The following CAMK4 variants were observed in gnomAD, a reference collection of about 807,000 sequenced individuals.
The protein encoded by CAMK4 is calcium/calmodulin dependent protein kinase IV.
In CAMK4, 22 loss-of-function variants were observed where a neutral mutation model predicts 44.9. The observed-to-expected ratio is 0.49, with a 90% CI of 0.35 to 0.70. The LOEUF is 0.70. Among genes scored for constraint, CAMK4 ranks in the 30% least tolerant of loss-of-function variants. The pLI is 0.01. For synonymous variants in CAMK4, 218 were observed against 215.4 expected, an observed-to-expected ratio of 1.01 and a Z score of -0.11; for missense variants, 498 against 586.8, an observed-to-expected ratio of 0.85 and a Z score of 1.56.
intron 2 of CAMK4, among the ~76,000 whole-genome samples, chr5:111,370,425 C>T (rs1750959606): frequency 6.6e-6 from 1 of 152,042 alleles, no homozygotes; most frequent in Non-Finnish European, 1.5e-5. Context: ...TTAAAGGATT[C>T]TACTATCACA....
upstream of CAMK4, chr5:111,224,299 C>G: frequency 1.2e-6 from 1 of 838,904 alleles, no homozygotes; most frequent in Non-Finnish European, 1.6e-6. This position sits in a 1 kb window ranked among gnomAD's most constrained non-coding sequence, Gnocchi z 5.7. Context: ...CGCCCTCTCG[C>G]AGAGGCTCGC....
At chr5:111,348,232 C>G (rs560217259) in intron 2 of CAMK4, among the ~76,000 whole-genome samples, 46 of 152,006 alleles carry the variant, frequency 3.0e-4, no homozygotes, top group Middle Eastern at 3.4e-3. Context: ...ACATATTTTT[C>G]CATAAAAAAC....
intron 1 of CAMK4, among the ~76,000 whole-genome samples, chr5:111,230,651 C>T (rs1449123552): frequency 6.6e-6 from 1 of 151,718 alleles, no homozygotes; most frequent in Non-Finnish European, 1.5e-5. Flanking sequence ...ACACTAACCA[C>T]AAAATAGCTT....
chr5:111,438,705 G>A lies in CAMK4; in HGVS notation c.460-7981G>A, dbSNP rs905813537. Among the ~76,000 whole-genome samples the A allele has an allele frequency of 6.6e-5, 10 of 152,114 alleles. 1 individual carries two copies. The South Asian group carries it at 1.5e-3, about 22-fold the overall frequency. ...CAAACACTGTAAATGTTCAATTTAGGAAGTGGAGTCAGAAAAATAATCATT... is the reference window on the plus strand; with the variant it reads ...CAAACACTGTAAATGTTCAATTTAGAAAGTGGAGTCAGAAAAATAATCATT... On this transcript the variant is annotated intron_variant, in intron 5 of 10. Transcript: ENST00000282356.
chr5:111,284,696 G>C (rs1270488039), intron 1 of CAMK4, among the ~76,000 whole-genome samples: 3 of 152,198 alleles, frequency 2.0e-5, no homozygotes, highest in Non-Finnish European at 4.4e-5. Context: ...GGAAGGGAGA[G>C]CTATCCGAGA....
At chr5:111,417,227 A>ATTTTTT (rs70973606) in intron 5 of CAMK4, among the ~76,000 whole-genome samples, 1 of 143,640 alleles carries the variant, frequency 7.0e-6, no homozygotes, top group Non-Finnish European at 1.5e-5. Context: ...CACCCAGCTA[A>ATTTTTT]TTTTTTTTTT....
chr5:111,454,395 G>A (rs971286230), intron 7 of CAMK4, among the ~76,000 whole-genome samples: 1 of 152,072 alleles, frequency 6.6e-6, no homozygotes, highest in African/African-American at 2.4e-5. Flanking sequence ...CCTTGCCCCA[G>A]GCTATTAATA....
At chr5:111,369,968 T>A (rs530465513) in intron 2 of CAMK4, among the ~76,000 whole-genome samples, 3 of 152,128 alleles carry the variant, frequency 2.0e-5, no homozygotes, top group African/African-American at 7.2e-5. Context: ...CCCACAGATA[T>A]GGAGGGCTGA....
At chr5:111,226,906 A>G (rs727923) in intron 1 of CAMK4, among the ~76,000 whole-genome samples, 33,455 of 152,134 alleles carry the variant, frequency 0.22, 3,875 homozygotes, top group Non-Finnish European at 0.26. Context: ...AGCCCATCCT[A>G]TTGGAGACCC....
chr5:111,277,260 A>G (rs1173928604), intron 1 of CAMK4, among the ~76,000 whole-genome samples: 1 of 152,244 alleles, frequency 6.6e-6, no homozygotes, highest in Non-Finnish European at 1.5e-5. Context: ...TCAACCACTT[A>G]CACTGGAGTC....
At chr5:111,259,254 A>G (rs1194336005) in intron 1 of CAMK4, among the ~76,000 whole-genome samples, 2 of 152,238 alleles carry the variant, frequency 1.3e-5, no homozygotes, top group African/African-American at 4.8e-5. Flanking sequence ...GGCTTTTGCC[A>G]TAGAATTTAA....
chr5:111,309,442 A>C (rs75731712), intron 1 of CAMK4, among the ~76,000 whole-genome samples: 1,917 of 152,258 alleles, frequency 0.013, 19 homozygotes, highest in East Asian at 0.05. Context: ...CTCTTGGGCA[A>C]AATATGTGCC....
intron 7 of CAMK4, among the ~76,000 whole-genome samples, chr5:111,456,316 C>A (rs1457343172): frequency 6.6e-6 from 1 of 151,836 alleles, no homozygotes; most frequent in East Asian, 1.9e-4. Flanking sequence ...CCTGGCTAAC[C>A]CCGTCTCTTC....
intron 8 of CAMK4, among the ~76,000 whole-genome samples, 165 bp downstream of exon 8, chr5:111,473,551 T>A (rs183639401): frequency 6.6e-6 from 1 of 152,212 alleles, no homozygotes; most frequent in Non-Finnish European, 1.5e-5. Context: ...AAATGAACAT[T>A]GCTTTTTATT....
At chr5:111,326,962 T>C (rs1748918107) in intron 1 of CAMK4, among the ~76,000 whole-genome samples, 1 of 151,882 alleles carries the variant, frequency 6.6e-6, no homozygotes, top group Non-Finnish European at 1.5e-5. Context: ...AAAATAAAAT[T>C]CCAAAATAGA....
At chr5:111,454,813 A>T (rs989681223) in intron 7 of CAMK4, among the ~76,000 whole-genome samples, 1 of 152,094 alleles carries the variant, frequency 6.6e-6, no homozygotes, top group Non-Finnish European at 1.5e-5. Flanking sequence ...TAGAAAAGAA[A>T]ATCAAGTTGT....
intron 5 of CAMK4, among the ~76,000 whole-genome samples, chr5:111,445,275 G>T (rs186325741): frequency 1.3e-5 from 2 of 152,046 alleles, no homozygotes; most frequent in East Asian, 1.9e-4. Context: ...AAACTGATAC[G>T]AAGGTAAGCC....
At chr5:111,395,824 C>T (rs1751986611) in intron 5 of CAMK4, among the ~76,000 whole-genome samples, 2 of 151,980 alleles carry the variant, frequency 1.3e-5, no homozygotes, top group African/African-American at 4.8e-5. Context: ...AATATGAAAC[C>T]AGAACAAATT....
intron 7 of CAMK4, among the ~76,000 whole-genome samples, chr5:111,467,773 C>T (rs1018248298): frequency 6.6e-6 from 1 of 152,116 alleles, no homozygotes; most frequent in Non-Finnish European, 1.5e-5. Context: ...ACTAGTACAA[C>T]CACTATGGAA....
Sources: allele counts gnomAD v4.1 joint callset (sites outside exome capture counted in the v4.1 genomes callset), GRCh38; gene constraint gnomAD v4.1.1; non-coding constraint Gnocchi (gnomAD v3.1); transcripts MANE v1.5; gene names NCBI Gene and HGNC (gene_info 2026-07-23, HGNC 2026-07-21).